PRKG1: variants seen among roughly 807,000 people sequenced by gnomAD.
PRKG1 encodes the protein cGMP-dependent protein kinase 1.
Under a neutral mutation model 88.1 loss-of-function variants are expected in PRKG1, and 35 were observed. The observed-to-expected ratio is 0.40, with a 90% CI of 0.30 to 0.53. The LOEUF (loss-of-function observed/expected upper bound fraction) is 0.53. PRKG1 is among the 20% of genes least tolerant of loss of function. The pLI, the probability that PRKG1 is intolerant of heterozygous loss-of-function variation, is 0.59. For synonymous variants in PRKG1, 303 were observed against 292.5 expected, an observed-to-expected ratio of 1.04 and a Z score of -0.37; for missense variants, 540 against 839.8, an observed-to-expected ratio of 0.64 and a Z score of 4.41.
chr10:52,207,858 A>C, intron 9 of PRKG1, among the ~76,000 whole-genome samples: 1 of 148,528 alleles, frequency 6.7e-6, no homozygotes, highest in African/African-American at 2.5e-5. Flanking sequence ...TCCCTTCTCC[A>C]CTCTCAATGC....
intron 3 of PRKG1, among the ~76,000 whole-genome samples, chr10:51,606,675 A>G (rs1838775689): frequency 6.6e-6 from 1 of 152,224 alleles, no homozygotes; most frequent in African/African-American, 2.4e-5. Flanking sequence ...TTACTTAAAA[A>G]AAATAGTCTA....
chr10:51,148,136 C>A, intron 1 of PRKG1: 1 of 505,716 alleles, frequency 2.0e-6, no homozygotes, highest in Non-Finnish European at 2.6e-6. Context: ...GAAAATAACT[C>A]GGAATTAGAA....
At chr10:51,058,428 A>G (rs1843656789) in intron 1 of PRKG1, among the ~76,000 whole-genome samples, 1 of 152,130 alleles carries the variant, frequency 6.6e-6, no homozygotes, top group Non-Finnish European at 1.5e-5. Context: ...AGCAAAAGGT[A>G]TAGAGATTTC....
intron 3 of PRKG1, among the ~76,000 whole-genome samples, chr10:51,752,621 A>T (rs1446173870): frequency 3.3e-5 from 5 of 152,162 alleles, no homozygotes; most frequent in Admixed American, 6.5e-5. Context: ...GGTTAAATAG[A>T]TGCAGATGAA....
intron 2 of PRKG1, among the ~76,000 whole-genome samples, chr10:51,383,860 T>C (rs12770521): frequency 1.3e-5 from 2 of 152,320 alleles, no homozygotes; most frequent in Admixed American, 1.3e-4. Flanking sequence ...CGTAATTCTG[T>C]GAATTGTCTT....
At chr10:51,563,242 C>T (rs1837516977) in intron 3 of PRKG1, among the ~76,000 whole-genome samples, 1 of 152,114 alleles carries the variant, frequency 6.6e-6, no homozygotes, top group African/African-American at 2.4e-5. Context: ...TTGTACACCA[C>T]TGTAGATTAC....
At chr10:51,266,702 G>A (rs113535544) in intron 2 of PRKG1, among the ~76,000 whole-genome samples, 3 of 152,158 alleles carry the variant, frequency 2.0e-5, no homozygotes, top group Non-Finnish European at 4.4e-5. Flanking sequence ...ATACTTGCAC[G>A]CAGCACAAAG....
chr10:51,516,737 T>A lies in PRKG1; in HGVS notation c.592+48901T>A, dbSNP rs181091743. On this transcript the variant is annotated intron_variant, in intron 3 of 17. Coordinates refer to ENST00000373980, the MANE Select transcript of PRKG1 (RefSeq NM_006258.4). ...CAATGAAGACCTGTGTTGACTATGC[T>A]GATGTGACAATTTTTTCAACAAATG... Among the ~76,000 whole-genome samples the A allele has an allele frequency of 6.2e-4, 94 of 152,354 alleles. 1 individual carries two copies. Among genetic ancestry groups the A allele is most frequent in the African/African-American group, 2.2e-3 (93 of 41,588 alleles).
At chr10:51,433,238 T>G (rs1838821027) in intron 2 of PRKG1, among the ~76,000 whole-genome samples, 1 of 152,120 alleles carries the variant, frequency 6.6e-6, no homozygotes, top group African/African-American at 2.4e-5. Context: ...ATGTGTTGCT[T>G]AATGGATACT....
At chr10:52,123,415 A>T (rs996852289) in intron 7 of PRKG1, among the ~76,000 whole-genome samples, 1 of 152,124 alleles carries the variant, frequency 6.6e-6, no homozygotes, top group Non-Finnish European at 1.5e-5. Context: ...GGGTCATGTT[A>T]CGAGTCCATA....
intron 1 of PRKG1, among the ~76,000 whole-genome samples, chr10:51,094,271 T>C (rs1252419546): frequency 2.0e-5 from 3 of 152,070 alleles, no homozygotes; most frequent in Admixed American, 6.6e-5. Flanking sequence ...TTCTAACAGT[T>C]CTTTGCACTC....
chr10:51,555,753 T>G (rs1354645212), intron 3 of PRKG1, among the ~76,000 whole-genome samples: 2 of 151,980 alleles, frequency 1.3e-5, no homozygotes, highest in Non-Finnish European at 2.9e-5. Context: ...ATTCTACTTC[T>G]TGACTTGGTG....
chr10:51,771,750 G>T (rs867728389), intron 3 of PRKG1, among the ~76,000 whole-genome samples: 53 of 152,068 alleles, frequency 3.5e-4, no homozygotes, highest in Admixed American at 7.9e-4. Context: ...CTGAAACGTA[G>T]GTCCACCCCT....
At chr10:51,785,884 G>T (rs1838715423) in intron 3 of PRKG1, among the ~76,000 whole-genome samples, 1 of 152,140 alleles carries the variant, frequency 6.6e-6, no homozygotes, top group Non-Finnish European at 1.5e-5. Context: ...TAGATCAATA[G>T]TTACTTAAGA....
chr10:51,454,321 A>G (rs1284373170), intron 2 of PRKG1, among the ~76,000 whole-genome samples: 1 of 152,102 alleles, frequency 6.6e-6, no homozygotes, highest in African/African-American at 2.4e-5. Context: ...ATCTGGAGGT[A>G]TCACATTACC....
At chr10:51,016,669 C>CTTT (rs1323068893) in intron 1 of PRKG1, among the ~76,000 whole-genome samples, 1 of 22,766 alleles carries the variant, frequency 4.4e-5, no homozygotes, top group Non-Finnish European at 8.3e-5. Flanking sequence ...TATTATTATC[C>CTTT]TTTCTTTTTT....
rs922733351 is a variant in PRKG1, at chr10:51,357,960, AT to A, written c.479-109754del. ...TATTTTACATATTAGGGATTTCTAG[AT>A]TTTTTTTTAAGTTACAAAACTTTTA... On this transcript the variant is annotated intron_variant, in intron 2 of 17. Transcript: ENST00000373980. 2.2e-3 allele frequency among the ~76,000 whole-genome samples: 333 copies of A among 151,608 alleles called. 1 individual carries two copies. Among genetic ancestry groups the A allele is most frequent in the African/African-American group, 7.6e-3 (314 of 41,394 alleles).
chr10:51,693,545 G>A (rs1458694561), intron 3 of PRKG1, among the ~76,000 whole-genome samples: 1 of 151,906 alleles, frequency 6.6e-6, no homozygotes, highest in East Asian at 1.9e-4. Context: ...GGGATTACTG[G>A]GGCCTGCCAA....
In PRKG1 at chr10:51,873,708, T is replaced by C. The variant is rs530102116; in HGVS notation, c.699-33799T>C. Among the ~76,000 whole-genome samples the C allele has an allele frequency of 2.6e-5, 4 of 152,150 alleles. No individual in the cohort carries two copies. The South Asian group carries it at 8.3e-4, about 32-fold the overall frequency. On this transcript the variant is annotated intron_variant, in intron 4 of 17. Coordinates refer to ENST00000373980, the MANE Select transcript of PRKG1 (RefSeq NM_006258.4). ...GTGCCCCAGCTAATTTCTGTACTTT[T>C]AGTAGAGAACGGGTTTCGCCATGTT...
Sources: allele counts gnomAD v4.1 joint callset (sites outside exome capture counted in the v4.1 genomes callset), GRCh38; gene constraint gnomAD v4.1.1; transcripts MANE v1.5; gene names NCBI Gene and HGNC (gene_info 2026-07-23, HGNC 2026-07-21).